C8A: variants seen among roughly 807,000 people sequenced by gnomAD.
C8A encodes complement C8 alpha chain.
A neutral mutation model predicts 65.3 loss-of-function variants in C8A; 67 were observed. That is an observed-to-expected ratio of 1.03 (90% confidence interval 0.84 to 1.26). C8A has a LOEUF of 1.26. Ranked by LOEUF, C8A falls within the 50% of genes most tolerant of loss-of-function variation. C8A has a pLI of 0.00. For missense variants in C8A, 781 were observed against 723.9 expected (o/e 1.08, Z -0.90); for synonymous variants, 290 against 259.4 (o/e 1.12, Z -1.13).
chr1:56,907,676 G>A (rs560151409), intron 8 of C8A, among the ~76,000 whole-genome samples: 3 of 152,196 alleles, frequency 2.0e-5, no homozygotes, highest in African/African-American at 7.2e-5. Flanking sequence ...ATGAGTGAAT[G>A]AATGAATAAA....
At chr1:56,880,717 T>C (rs1644240601) in intron 4 of C8A, among the ~76,000 whole-genome samples, 2 of 152,180 alleles carry the variant, frequency 1.3e-5, no homozygotes, top group African/African-American at 4.8e-5. Flanking sequence ...TTATACTTAA[T>C]ACTAACAATT....
intron 7 of C8A, among the ~76,000 whole-genome samples, chr1:56,898,655 G>A (rs185679881): frequency 6.6e-6 from 1 of 152,234 alleles, no homozygotes; most frequent in East Asian, 1.9e-4. Flanking sequence ...AGTGTACTCA[G>A]GACTTAGATC....
chr1:56,884,080 A>G (rs969838260), intron 6 of C8A, among the ~76,000 whole-genome samples: 1 of 152,094 alleles, frequency 6.6e-6, no homozygotes, highest in African/African-American at 2.4e-5. Flanking sequence ...AAAAAAAAAA[A>G]AAAAAATTTC....
rs566642993 is a variant in C8A at position 56,906,547 on chromosome 1, C to T, written c.1097-120C>T. On this transcript the variant is annotated intron_variant, in intron 7 of 10. Coordinates refer to ENST00000361249, the MANE Select transcript of C8A (RefSeq NM_000562.3). ...AAATTGGATTAAAGAACCGGGCTTT[C>T]AACCCAGGCCTTTTGGACTCCAAAG... is the stretch of plus-strand genomic sequence containing the variant. 3.0e-5 allele frequency: 35 copies of T among 1,150,270 alleles called. No homozygotes were observed. The East Asian group carries it at 8.2e-4, about 27-fold the overall frequency. 71.3% of individuals were successfully genotyped at this position (1,150,270 alleles called of 1,614,324 possible).
intron 7 of C8A, among the ~76,000 whole-genome samples, chr1:56,896,894 A>G (rs147654142): frequency 1.3e-5 from 2 of 152,176 alleles, no homozygotes; most frequent in Non-Finnish European, 2.9e-5. Context: ...CATACACATC[A>G]TCTTATCCAA....
intron 1 of C8A, among the ~76,000 whole-genome samples, chr1:56,865,455 C>A (rs955105031): frequency 6.6e-6 from 1 of 152,144 alleles, no homozygotes; most frequent in African/African-American, 2.4e-5. Context: ...TTAATGAGGG[C>A]ACTAATTCCA....
intron 4 of C8A, among the ~76,000 whole-genome samples, chr1:56,878,473 GA>G (rs1265275070): frequency 6.6e-6 from 1 of 152,110 alleles, no homozygotes; most frequent in East Asian, 1.9e-4. Flanking sequence ...GATTTAACTA[GA>G]AACATTTCAA....
Position 56,906,664 on chromosome 1 carries a change from C to T in C8A, c.1097-3C>T, listed in dbSNP as rs1434567420. 2 of 1,613,868 alleles carry T rather than the reference C, an allele frequency of 1.2e-6. No individual in the cohort carries two copies. Among genetic ancestry groups the T allele is most frequent in the Non-Finnish European group, 1.7e-6 (2 of 1,179,906 alleles). On this transcript the variant is annotated splice_region_variant and splice_polypyrimidine_tract_variant and intron_variant, in intron 7 of 10. Transcript: ENST00000361249. ...TTTGTGTTTCTCTGTCTCCCTGTTG[C>T]AGGTATTACCAGCAGAGATATCACG...
chr1:56,903,247 C>T (rs1457407555), intron 7 of C8A, among the ~76,000 whole-genome samples: 4 of 152,140 alleles, frequency 2.6e-5, no homozygotes, highest in African/African-American at 4.8e-5. Flanking sequence ...GTAATTTAAT[C>T]ATGGGGGTGG....
At chr1:56,883,750 G>T in intron 6 of C8A, 69 bp downstream of exon 6, 1 of 1,308,334 alleles carries the variant, frequency 7.6e-7, no homozygotes, top group Non-Finnish European at 1.1e-6. Flanking sequence ...TACCTTAATT[G>T]CATTAAAAAG....
In C8A at chr1:56,906,685, T is replaced by C. The variant is rs752119631; in HGVS notation, c.1115T>C (p.Ile372Thr). ...MESLGITSRD[I>T]TTCFGGSLGI... is the part of the protein sequence containing the mutation. ...GTTGCAGGTATTACCAGCAGAGATA[T>C]CACGACATGTTTTGGAGGCTCCTTG... Residue 372 changes from isoleucine to threonine, a missense_variant, in exon 8 of 11, where the codon ATC becomes ACC. Transcript: ENST00000361249. 3.7e-6 allele frequency: 6 copies of C among 1,613,984 alleles called. No individual in the cohort carries two copies. In the East Asian group the frequency reaches 1.3e-4, roughly 36 times the overall value.
intron 1 of C8A, among the ~76,000 whole-genome samples, chr1:56,856,777 A>C (rs1643980851): frequency 6.6e-6 from 1 of 151,944 alleles, no homozygotes; most frequent in Non-Finnish European, 1.5e-5. Flanking sequence ...CCTAAAAATC[A>C]GTGGATCTCT....
intron 7 of C8A, among the ~76,000 whole-genome samples, chr1:56,890,237 A>T (rs1335435510): frequency 4.0e-5 from 6 of 151,758 alleles, no homozygotes; most frequent in Non-Finnish European, 8.8e-5. Flanking sequence ...AACCTGACAA[A>T]CTTCAGCTCA....
rs756933744 is a variant in C8A, at chr1:56,917,605, G to C, written c.1644G>C (p.Trp548Cys). 1 of 1,614,086 alleles carries C rather than the reference G, an allele frequency of 6.2e-7. No individual in the cohort carries two copies. The highest frequency in any genetic ancestry group is 8.5e-7 in the Non-Finnish European group (1 of 1,179,956). The change falls in exon 11 of 11, where the codon TGG becomes TGC. Residue 548 changes from tryptophan to cysteine, a missense_variant. Trp to Cys is a radical substitution (Grantham distance 215). Transcript: ENST00000361249. ...GGAGCTGGAGTTGCTGGAGCTCCTG[G>C]TCTGTATGCAGAGCAGGCATCCAGG... ...ADGSWSCWSS[W>C]SVCRAGIQER...
chr1:56,910,690 G>C (rs1644498122), intron 9 of C8A, among the ~76,000 whole-genome samples: 1 of 152,234 alleles, frequency 6.6e-6, no homozygotes, highest in African/African-American at 2.4e-5. Flanking sequence ...GACCCTACCA[G>C]TCCTGATATT....
chr1:56,904,204 G>T (rs1457454608), intron 7 of C8A, among the ~76,000 whole-genome samples: 1 of 152,030 alleles, frequency 6.6e-6, no homozygotes, highest in Non-Finnish European at 1.5e-5. Context: ...CTGGATTTGG[G>T]TACCAGGTTT....
In C8A at chr1:56,918,040, A is replaced by T. The variant is rs1644567994; in HGVS notation, c.*324A>T. ...TCCATGACCAGGGAGAACTTACAGG[A>T]TGTTAGAGACAAAACAAGCAGACAC... is the stretch of plus-strand genomic sequence containing the variant. On this transcript the variant is annotated 3_prime_UTR_variant, in exon 11 of 11. Transcript: ENST00000361249. 3.7e-6 allele frequency: 1 copy of T among 268,770 alleles called. No individual in the cohort carries two copies. Among genetic ancestry groups the T allele is most frequent in the African/African-American group, 2.2e-5 (1 of 44,962 alleles). 16.6% of individuals were successfully genotyped at this position (268,770 alleles called of 1,614,324 possible). A position where few individuals can be genotyped will look rare whatever the true frequency, so the allele number is the denominator to read the frequency against.
intron 10 of C8A, among the ~76,000 whole-genome samples, chr1:56,916,244 T>A (rs1429707988): frequency 6.6e-6 from 1 of 152,222 alleles, no homozygotes; most frequent in Non-Finnish European, 1.5e-5. Flanking sequence ...TTGCAGGCAG[T>A]GCAGTTAGTT....
At chr1:56,867,723 T>C (rs1462712321) in intron 2 of C8A, 21 bp downstream of exon 2, 2 of 1,566,750 alleles carry the variant, frequency 1.3e-6, no homozygotes, top group Non-Finnish European at 1.8e-6. Context: ...TACAACCGGT[T>C]TGGGGGCATT....
Sources: allele counts gnomAD v4.1 joint callset (sites outside exome capture counted in the v4.1 genomes callset), GRCh38; gene constraint gnomAD v4.1.1; transcripts MANE v1.5; gene names NCBI Gene and HGNC (gene_info 2026-07-23, HGNC 2026-07-21).